Variants in GRIK1 observed in about 807,000 individuals in gnomAD.
GRIK1 encodes glutamate ionotropic receptor kainate type subunit 1, also known as glutamate receptor ionotropic, kainate 1.
A neutral mutation model predicts 105.7 loss-of-function variants in GRIK1; 69 were observed. That is an observed-to-expected ratio of 0.65 (90% confidence interval 0.54 to 0.80). The LOEUF (loss-of-function observed/expected upper bound fraction) is 0.80, where lower values mean the gene tolerates loss of function less well. GRIK1 is among the 30% of genes least tolerant of loss of function. GRIK1 has a pLI of 0.00. For missense variants in GRIK1, 1,109 were observed against 1,167.3 expected, an observed-to-expected ratio of 0.95 and a Z score of 0.73; for synonymous variants, 438 against 431.3, an observed-to-expected ratio of 1.02 and a Z score of -0.19.
At chr21:29,606,648 C>T (rs764764790) in intron 7 of GRIK1, among the ~76,000 whole-genome samples, 1 of 151,108 alleles carries the variant, frequency 6.6e-6, no homozygotes, top group Non-Finnish European at 1.5e-5. Flanking sequence ...CATTTAAGCT[C>T]AGAAACATCT....
chr21:29,898,081 A>G (rs1215650367), intron 1 of GRIK1, among the ~76,000 whole-genome samples: 1 of 152,118 alleles, frequency 6.6e-6, no homozygotes, highest in Non-Finnish European at 1.5e-5. Flanking sequence ...TAATTCTACC[A>G]CTCATACATG....
At chr21:29,867,528 C>T (rs916645147) in intron 1 of GRIK1, among the ~76,000 whole-genome samples, 1 of 152,028 alleles carries the variant, frequency 6.6e-6, no homozygotes, top group African/African-American at 2.4e-5. Context: ...GGCACGGTGG[C>T]TCATGCCTGT....
chr21:29,620,792 T>G (rs1166194853), intron 7 of GRIK1, among the ~76,000 whole-genome samples: 3 of 109,710 alleles, frequency 2.7e-5, no homozygotes, highest in African/African-American at 1.0e-4. Context: ...GATATATATA[T>G]CTATATATAT....
At chr21:29,836,720 C>A (rs1277787206) in intron 1 of GRIK1, among the ~76,000 whole-genome samples, 1 of 152,144 alleles carries the variant, frequency 6.6e-6, no homozygotes, top group East Asian at 1.9e-4. Context: ...AATCTCACAT[C>A]ATGAGAAATC....
intron 1 of GRIK1, among the ~76,000 whole-genome samples, chr21:29,917,482 G>A (rs562641650): frequency 9.9e-5 from 15 of 152,096 alleles, no homozygotes; most frequent in African/African-American, 3.6e-4. Context: ...TTAGGAGAAC[G>A]ATCATAGGAA....
intron 1 of GRIK1, among the ~76,000 whole-genome samples, chr21:29,850,123 G>C (rs1334763712): frequency 6.6e-6 from 1 of 152,148 alleles, no homozygotes; most frequent in Non-Finnish European, 1.5e-5. Flanking sequence ...GAAGGATCAT[G>C]ATATCTTCCT....
intron 1 of GRIK1, among the ~76,000 whole-genome samples, chr21:29,898,737 T>C (rs1475320217): frequency 1.3e-5 from 2 of 152,256 alleles, no homozygotes; most frequent in African/African-American, 2.4e-5. Context: ...ACTTTTCTTA[T>C]AGAATTTTAT....
intron 1 of GRIK1, among the ~76,000 whole-genome samples, chr21:29,746,639 G>A (rs1228977969): frequency 2.0e-5 from 3 of 152,214 alleles, no homozygotes; most frequent in Non-Finnish European, 2.9e-5. Flanking sequence ...AAGTGACTAT[G>A]AGAAAAAGTT....
At chr21:29,750,206 C>G (rs1178362753) in intron 1 of GRIK1, among the ~76,000 whole-genome samples, 1 of 151,688 alleles carries the variant, frequency 6.6e-6, no homozygotes, top group Admixed American at 6.6e-5. Flanking sequence ...TTCCTTCTCT[C>G]CCTTCCTTCT....
At position 29,614,554 on chromosome 21, in the gene GRIK1, C is replaced by T. The variant is rs1271391789; in HGVS notation, c.1099-15617G>A. Among the ~76,000 whole-genome samples, 10 of 150,912 alleles carry T rather than the reference C, an allele frequency of 6.6e-5. 2 individuals carry two copies. The highest frequency in any genetic ancestry group is 2.1e-4 in the South Asian group (1 of 4,790). On this transcript the variant is annotated intron_variant, in intron 7 of 17. Transcript: ENST00000327783. ...TCAGCCTCCCAAGTAGCTGGGGTTA[C>T]GGGCATGCAACACTACATCCAGCTA...
At chr21:29,886,087 A>C (rs556426453) in intron 1 of GRIK1, among the ~76,000 whole-genome samples, 1 of 152,216 alleles carries the variant, frequency 6.6e-6, no homozygotes, top group Middle Eastern at 3.4e-3. Context: ...CAAAATGCTC[A>C]ATAAACAAGG....
chr21:29,687,617 C>G (rs985744590), intron 3 of GRIK1, among the ~76,000 whole-genome samples: 2 of 152,136 alleles, frequency 1.3e-5, no homozygotes, highest in African/African-American at 4.8e-5. Flanking sequence ...TCACTGAGCA[C>G]AGGTGAACTT....
At chr21:29,648,165 G>A (rs1296645269) in intron 6 of GRIK1, among the ~76,000 whole-genome samples, 1 of 152,076 alleles carries the variant, frequency 6.6e-6, no homozygotes, top group Admixed American at 6.6e-5. Context: ...TTTTCCTTAT[G>A]CTTTTTTCTA....
At chr21:29,596,913 AAAATCAATCAATTAACCAACCAACCAGC>A in intron 8 of GRIK1, 2 of 299,282 alleles carry the variant, frequency 6.7e-6, no homozygotes, top group South Asian at 7.1e-5. Context: ...ATTGGTAACT[AAAATCAATCAATTAACCAACCAACCAGC>A]AAATCAATCA....
chr21:29,660,230 G>T (rs2062936488), intron 4 of GRIK1, among the ~76,000 whole-genome samples: 1 of 152,160 alleles, frequency 6.6e-6, no homozygotes, highest in African/African-American at 2.4e-5. Flanking sequence ...TGATCTCTTA[G>T]ATCTTGATGG....
At chr21:29,564,081 T>C (rs2090550957) in intron 14 of GRIK1, among the ~76,000 whole-genome samples, 1 of 152,244 alleles carries the variant, frequency 6.6e-6, no homozygotes, top group South Asian at 2.1e-4. Flanking sequence ...CATATTAATA[T>C]GAAATAGGAA....
chr21:29,752,101 A>C (rs750394515), intron 1 of GRIK1, among the ~76,000 whole-genome samples: 1 of 152,220 alleles, frequency 6.6e-6, no homozygotes, highest in Admixed American at 6.5e-5. Flanking sequence ...GACGTCTCCA[A>C]AGTTTCCCTC....
chr21:29,732,685 A>G (rs2064666829), intron 1 of GRIK1, among the ~76,000 whole-genome samples: 1 of 152,218 alleles, frequency 6.6e-6, no homozygotes, highest in Admixed American at 6.5e-5. Flanking sequence ...GAGGATTGGG[A>G]GAGAATAACT....
chr21:29,782,983 T>G (rs950332640), intron 1 of GRIK1, among the ~76,000 whole-genome samples: 3 of 152,202 alleles, frequency 2.0e-5, no homozygotes, highest in Non-Finnish European at 4.4e-5. Context: ...ATGCACATTT[T>G]AATTCTTGAT....
Sources: allele counts gnomAD v4.1 joint callset (sites outside exome capture counted in the v4.1 genomes callset), GRCh38; gene constraint gnomAD v4.1.1; transcripts MANE v1.5; gene names NCBI Gene and HGNC (gene_info 2026-07-23, HGNC 2026-07-21).